Variants in PBX3 observed in about 807,000 individuals in gnomAD.
The protein encoded by PBX3 is PBX homeobox 3.
In PBX3, 14 loss-of-function variants were observed where a neutral mutation model predicts 48.5. The observed-to-expected ratio is 0.29, with a 90% CI of 0.19 to 0.45. The LOEUF is 0.45. PBX3 is among the 20% of genes least tolerant of loss of function. The pLI is 1.00. For missense variants in PBX3, 386 were observed against 546.7 expected (o/e 0.71, Z 2.93); for synonymous variants, 210 against 200.3 (o/e 1.05, Z -0.41).
intron 3 of PBX3, among the ~76,000 whole-genome samples, chr9:125,919,483 A>G (rs927567896): frequency 4.7e-5 from 7 of 150,524 alleles, no homozygotes; most frequent in South Asian, 2.1e-4. Flanking sequence ...GGCCGGGATT[A>G]CAGGTGTGAG....
intron 2 of PBX3, among the ~76,000 whole-genome samples, chr9:125,876,725 C>T (rs949429896): frequency 6.6e-6 from 1 of 151,888 alleles, no homozygotes; most frequent in African/African-American, 2.4e-5. Context: ...TGCCTCTAAC[C>T]CCTGCGTTAA....
In PBX3 at chr9:125,948,787, C is replaced by T. The variant is rs1482146537; in HGVS notation, c.844-11897C>T. Among the ~76,000 whole-genome samples, 3 of 151,924 alleles carry T rather than the reference C, an allele frequency of 2.0e-5. No individual in the cohort carries two copies. The South Asian group carries it at 6.3e-4, about 32-fold the overall frequency. On this transcript the variant is annotated intron_variant, in intron 5 of 8. Transcript: ENST00000373489. ...AGAATTTAATCTACAAACACATTAT[C>T]TATGTACAATGTTTCTTGCTCCAGT...
chr9:125,803,144 AGTGCAGTG>A (rs1838018560), intron 2 of PBX3, among the ~76,000 whole-genome samples: 3 of 122,560 alleles, frequency 2.4e-5, no homozygotes, highest in Non-Finnish European at 4.8e-5. Context: ...CCCAGGCTGG[AGTGCAGTG>A]GTGCGATCTC....
At chr9:125,961,886 T>C (rs1233954444) in intron 6 of PBX3, among the ~76,000 whole-genome samples, 2 of 152,238 alleles carry the variant, frequency 1.3e-5, no homozygotes, top group Admixed American at 1.3e-4. Context: ...GTTTTTTAAG[T>C]TTGGGCTTCC....
chr9:125,956,660 G>A (rs1019574575), intron 5 of PBX3, among the ~76,000 whole-genome samples: 13 of 152,216 alleles, frequency 8.5e-5, no homozygotes, highest in East Asian at 1.9e-4. Flanking sequence ...AAGAGGGAGA[G>A]TACTTGTGCT....
At chr9:125,757,478 T>G (rs1230503153) in intron 2 of PBX3, among the ~76,000 whole-genome samples, 1 of 152,174 alleles carries the variant, frequency 6.6e-6, no homozygotes, top group Non-Finnish European at 1.5e-5. Flanking sequence ...TGGTCCAGAT[T>G]ATTTATAATG....
chr9:125,900,572 T>G (rs1216121161), intron 2 of PBX3, among the ~76,000 whole-genome samples: 1 of 151,746 alleles, frequency 6.6e-6, no homozygotes, highest in African/African-American at 2.4e-5. Flanking sequence ...GACCCTAGGA[T>G]AAACTGCTGA....
In PBX3 at chr9:125,943,889, T is replaced by C. The variant is rs888187446; in HGVS notation, c.843+8282T>C. 8.8e-4 allele frequency among the ~76,000 whole-genome samples: 134 copies of C among 152,164 alleles called. 10 individuals carry two copies. The highest frequency in any genetic ancestry group is 1.5e-5 in the Non-Finnish European group (1 of 68,020). Reference sequence around the variant, plus strand: ...AGAGGAGGTGTGTGGAGAAGGCCAGTGACTGAGACCTGAAAAAAGGCAGCC... The same window carrying C: ...AGAGGAGGTGTGTGGAGAAGGCCAGCGACTGAGACCTGAAAAAAGGCAGCC... On this transcript the variant is annotated intron_variant, in intron 5 of 8. Coordinates refer to ENST00000373489, the MANE Select transcript of PBX3 (RefSeq NM_006195.6).
chr9:125,914,301 T>G (rs1175500125), intron 2 of PBX3, among the ~76,000 whole-genome samples: 1 of 152,182 alleles, frequency 6.6e-6, no homozygotes, highest in African/African-American at 2.4e-5. Flanking sequence ...GAGTTAGTTT[T>G]ATTATCCAGT....
At chr9:125,823,229 A>AT (rs1428388340) in intron 2 of PBX3, among the ~76,000 whole-genome samples, 1 of 152,128 alleles carries the variant, frequency 6.6e-6, no homozygotes, top group East Asian at 1.9e-4. Context: ...GATTATTGAC[A>AT]TTTTCAAATT....
chr9:125,961,956 ACT>A, intron 6 of PBX3, 144 bp from the exon 7 acceptor site: 1 of 470,494 alleles, frequency 2.1e-6, no homozygotes, highest in Non-Finnish European at 3.8e-6. Context: ...CTCTGGAGTT[ACT>A]CTCCATCCTC....
At chr9:125,793,579 G>A (rs1837686844) in intron 2 of PBX3, among the ~76,000 whole-genome samples, 1 of 151,262 alleles carries the variant, frequency 6.6e-6, no homozygotes, top group African/African-American at 2.4e-5. Context: ...ACAGGTGCTG[G>A]CCACCACACG....
intron 2 of PBX3, among the ~76,000 whole-genome samples, chr9:125,769,387 C>T (rs1047748300): frequency 7.2e-5 from 11 of 152,276 alleles, no homozygotes; most frequent in South Asian, 6.2e-4. Context: ...CAGGGGTCCA[C>T]GGACACCATT....
At chr9:125,780,139 C>T (rs1433850307) in intron 2 of PBX3, among the ~76,000 whole-genome samples, 311 of 112,552 alleles carry the variant, frequency 2.8e-3, no homozygotes, top group East Asian at 0.026. Context: ...TAGGGGCGGC[C>T]GGGCAGAGGC....
intron 2 of PBX3, among the ~76,000 whole-genome samples, chr9:125,753,942 T>C (rs1360611550): frequency 1.3e-5 from 2 of 152,142 alleles, no homozygotes; most frequent in Admixed American, 6.6e-5. Flanking sequence ...GGATTATTTA[T>C]ATTTTGATAC....
chr9:125,827,217 G>T (rs1050631074), intron 2 of PBX3, among the ~76,000 whole-genome samples: 1 of 152,156 alleles, frequency 6.6e-6, no homozygotes, highest in Non-Finnish European at 1.5e-5. Flanking sequence ...CTGAAGTAAA[G>T]ACCCATGTAG....
At chr9:125,825,407 G>A (rs573246233) in intron 2 of PBX3, among the ~76,000 whole-genome samples, 8 of 151,450 alleles carry the variant, frequency 5.3e-5, no homozygotes, top group South Asian at 4.2e-4. Flanking sequence ...ACAATAACAC[G>A]TTAGCATAAG....
In PBX3 at chr9:125,832,441, C is replaced by T. The variant is rs183554188; in HGVS notation, c.275-83245C>T. ...CGATCTCCTTACCTCGTGATCCACC[C>T]GCCTCGGCCTCCCAAAGTGCTGGGA... is the stretch of plus-strand genomic sequence containing the variant. On this transcript the variant is annotated intron_variant, in intron 2 of 8. Transcript: ENST00000373489. 2.2e-4 allele frequency among the ~76,000 whole-genome samples: 34 copies of T among 152,232 alleles called. 1 individual carries two copies. The Middle Eastern group carries it at 0.02, about 91-fold the overall frequency.
Position 125,963,105 on chromosome 9 carries a change from A to T in PBX3, c.1212+4A>T. The T allele has an allele frequency of 6.5e-7, 1 of 1,539,368 alleles. No homozygotes were observed. The highest frequency in any genetic ancestry group is 1.2e-5 in the South Asian group (1 of 86,552). On this transcript the variant is annotated splice_donor_region_variant and intron_variant, in intron 8 of 8. Coordinates refer to ENST00000373489, the MANE Select transcript of PBX3 (RefSeq NM_006195.6). ...GTACAGTCCACATAATTTAAATGTGAGTACTCTGGGGAGTCAGCTGTAGGA... is the reference window on the plus strand; with the variant it reads ...GTACAGTCCACATAATTTAAATGTGTGTACTCTGGGGAGTCAGCTGTAGGA...
Sources: allele counts gnomAD v4.1 joint callset (sites outside exome capture counted in the v4.1 genomes callset), GRCh38; gene constraint gnomAD v4.1.1; transcripts MANE v1.5; gene names NCBI Gene and HGNC (gene_info 2026-07-23, HGNC 2026-07-21).